GPR137B: variants seen among roughly 807,000 people sequenced by gnomAD.
The protein encoded by GPR137B is G protein-coupled receptor 137B.
A neutral mutation model predicts 42.5 loss-of-function variants in GPR137B; 42 were observed. The ratio of observed to expected loss-of-function variants is 0.99; its 90% confidence interval spans 0.77 to 1.28. GPR137B has a LOEUF of 1.28. Among genes scored for constraint, GPR137B ranks in the 50% most tolerant of loss-of-function variants. GPR137B has a pLI of 0.00. For synonymous variants in GPR137B, 218 were observed against 209.7 expected (o/e 1.04, Z -0.34); for missense variants, 487 against 493.9 (o/e 0.99, Z 0.13).
At chr1:236,166,884 C>G (rs1317915769) in intron 1 of GPR137B, among the ~76,000 whole-genome samples, 2 of 151,948 alleles carry the variant, frequency 1.3e-5, no homozygotes, top group African/African-American at 4.8e-5. Flanking sequence ...ACTCCTGGGC[C>G]CAAGCGATCC....
At chr1:236,194,400 A>G (rs1245040992) in intron 5 of GPR137B, among the ~76,000 whole-genome samples, 1 of 152,140 alleles carries the variant, frequency 6.6e-6, no homozygotes, top group African/African-American at 2.4e-5. Context: ...GCTCATAGGT[A>G]TTCTTAAACT....
rs770781647 is a variant in GPR137B at position 236,168,767 on chromosome 1, A to G, written c.464+12A>G. On this transcript the variant is annotated intron_variant, in intron 2 of 6. Coordinates refer to ENST00000366592, the MANE Select transcript of GPR137B (RefSeq NM_003272.4). ...TTACTCAAATACCGGTAAGTACTGC[A>G]GGGCATCTCTTTCTGTGGTAGAAGG... is the stretch of plus-strand genomic sequence containing the variant. 5.1e-6 allele frequency: 8 copies of G among 1,576,596 alleles called. No individual in the cohort carries two copies. The African/African-American group carries it at 5.4e-5, about 11-fold the overall frequency.
chr1:236,144,086 CTTT>C (rs56006687), intron 1 of GPR137B, among the ~76,000 whole-genome samples: 11 of 145,172 alleles, frequency 7.6e-5, no homozygotes, highest in African/African-American at 1.0e-4. Flanking sequence ...TTTTAAGTGT[CTTT>C]TTTTTTTTTT....
At position 236,208,641 on chromosome 1, in the gene GPR137B, A is replaced by G. The variant is rs1663739303; in HGVS notation, c.*483A>G. 1 of 985,868 alleles carries G rather than the reference A, an allele frequency of 1.0e-6. No homozygotes were observed. Among genetic ancestry groups the G allele is most frequent in the Non-Finnish European group, 1.2e-6 (1 of 829,894 alleles). The allele number at this position is 985,868 out of a possible 1,614,324, so 61.1% of individuals were successfully genotyped here. ...CTCCGATTCTGAGTGCCACATTGGT[A>G]GACTCCTAAAATACAGTTGACAACT... On this transcript the variant is annotated 3_prime_UTR_variant, in exon 7 of 7. Transcript: ENST00000366592.
At chr1:236,200,142 G>T (rs1471620546) in intron 5 of GPR137B, among the ~76,000 whole-genome samples, 1 of 151,902 alleles carries the variant, frequency 6.6e-6, no homozygotes, top group Admixed American at 6.6e-5. Flanking sequence ...TAATTTCCAT[G>T]CATTTATATA....
chr1:236,176,699 G>A (rs1662696752), intron 2 of GPR137B, among the ~76,000 whole-genome samples: 1 of 152,140 alleles, frequency 6.6e-6, no homozygotes, highest in Admixed American at 6.5e-5. Flanking sequence ...GGAAATAAAA[G>A]GGCAGCCCTT....
chr1:236,164,885 CAAGAGAGAGAGAGA>C (rs1389466108), intron 1 of GPR137B, among the ~76,000 whole-genome samples: 12 of 123,504 alleles, frequency 9.7e-5, no homozygotes, highest in African/African-American at 3.3e-4. Flanking sequence ...CAGATGAATT[CAAGAGAGAGAGAGA>C]GAGAGAGAGA....
At chr1:236,168,894 C>CA (rs538005669) in intron 2 of GPR137B, 139 bp downstream of exon 2, 75 of 700,020 alleles carry the variant, frequency 1.1e-4, no homozygotes, top group Non-Finnish European at 1.7e-4. Context: ...TGGCTGCCCA[C>CA]ATTGTGCACA....
chr1:236,143,073 G>T, intron 1 of GPR137B, 37 bp downstream of exon 1: 1 of 1,558,438 alleles, frequency 6.4e-7, no homozygotes, highest in Non-Finnish European at 8.7e-7. Flanking sequence ...CGCTCACCTG[G>T]CGGGGTGGTC....
chr1:236,179,313 AG>A (rs1261072661), intron 3 of GPR137B, among the ~76,000 whole-genome samples: 1 of 152,224 alleles, frequency 6.6e-6, no homozygotes, highest in Non-Finnish European at 1.5e-5. Context: ...ATTTTGAGCC[AG>A]GGGTCTTTTA....
At position 236,180,037 on chromosome 1, in the gene GPR137B, G is replaced by A. The variant is rs1662821906; in HGVS notation, c.837+9G>A. 1 of 1,611,248 alleles carries A rather than the reference G, an allele frequency of 6.2e-7. No homozygotes were observed. Among genetic ancestry groups the A allele is most frequent in the South Asian group, 1.1e-5 (1 of 91,022 alleles). On this transcript the variant is annotated intron_variant, in intron 4 of 6. Coordinates refer to ENST00000366592, the MANE Select transcript of GPR137B (RefSeq NM_003272.4). ...ACAATGTATCAGACCAGGTCAGTGG[G>A]GGCGCTGAGGAGGTGTCACCTGACC... is the stretch of plus-strand genomic sequence containing the variant.
chr1:236,203,302 C>T (rs1271655104), intron 5 of GPR137B, among the ~76,000 whole-genome samples: 1 of 152,132 alleles, frequency 6.6e-6, no homozygotes, highest in Non-Finnish European at 1.5e-5. Context: ...TGGTCTTGAT[C>T]TCCTGACCTC....
rs938002100 is a variant in GPR137B at position 236,156,027 on chromosome 1, C to T, written c.415-12679C>T. 2.6e-5 allele frequency among the ~76,000 whole-genome samples: 4 copies of T among 152,170 alleles called. No homozygotes were observed. The highest frequency in any genetic ancestry group is 6.5e-5 in the Admixed American group (1 of 15,282). On this transcript the variant is annotated intron_variant, in intron 1 of 6. Coordinates refer to ENST00000366592, the MANE Select transcript of GPR137B (RefSeq NM_003272.4). The surrounding 1 kb of genome is among the most constrained non-coding windows in gnomAD (Gnocchi z 4.8). ...CATACACCTGAGGAAGGATCATAGG[C>T]GCCAGGTGAGCCAAACAGGACCATG...
At chr1:236,161,444 C>T (rs1662191781) in intron 1 of GPR137B, among the ~76,000 whole-genome samples, 1 of 152,088 alleles carries the variant, frequency 6.6e-6, no homozygotes, top group Admixed American at 6.5e-5. Context: ...GCACTTTTCA[C>T]ACCTCCACAC....
chr1:236,172,816 C>G (rs1446134454), intron 2 of GPR137B, among the ~76,000 whole-genome samples: 1 of 151,074 alleles, frequency 6.6e-6, no homozygotes, highest in African/African-American at 2.4e-5. Context: ...TCCTGAGTAG[C>G]TGGGAATACA....
chr1:236,206,094 G>GTATT (rs1191765161), intron 6 of GPR137B, among the ~76,000 whole-genome samples: 2 of 152,068 alleles, frequency 1.3e-5, no homozygotes, highest in Non-Finnish European at 2.9e-5. Context: ...TACATGAAGG[G>GTATT]TATTTATTTG....
chr1:236,203,069 T>C (rs1663542619), intron 5 of GPR137B, among the ~76,000 whole-genome samples: 1 of 152,012 alleles, frequency 6.6e-6, no homozygotes, highest in South Asian at 2.1e-4. Flanking sequence ...ATGTGTCTGT[T>C]TCTTTTCTTT....
intron 5 of GPR137B, among the ~76,000 whole-genome samples, chr1:236,185,058 C>T (rs1046206602): frequency 6.6e-6 from 1 of 152,204 alleles, no homozygotes; most frequent in Admixed American, 6.5e-5. Flanking sequence ...TGGGCCACCG[C>T]ACCCGTCTGA....
chr1:236,199,060 G>C (rs1285504872), intron 5 of GPR137B, among the ~76,000 whole-genome samples: 1 of 152,110 alleles, frequency 6.6e-6, no homozygotes. Context: ...TTATTATCTT[G>C]ATGTATGTCC....
Sources: gnomAD v4.1 joint callset for allele counts (sites outside exome capture counted in the v4.1 genomes callset) on GRCh38, gnomAD v4.1.1 for gene constraint, Gnocchi (gnomAD v3.1) non-coding constraint, MANE v1.5 for transcripts, NCBI Gene and HGNC (gene_info 2026-07-23, HGNC 2026-07-21) for gene names.